SEPTIN4: variants seen among roughly 807,000 people sequenced by gnomAD.
SEPTIN4 encodes septin-4.
A neutral mutation model predicts 107.1 loss-of-function variants in SEPTIN4; 52 were observed. That is an observed-to-expected ratio of 0.49 (90% CI 0.39 to 0.61). SEPTIN4 has a LOEUF of 0.61. Among genes scored for constraint, SEPTIN4 ranks in the 20% least tolerant of loss-of-function variants. The pLI is 0.00. For synonymous variants in SEPTIN4, 417 were observed against 467.0 expected, an observed-to-expected ratio of 0.89 and a Z score of 1.38; for missense variants, 1,048 against 1,243.5, an observed-to-expected ratio of 0.84 and a Z score of 2.36.
Position 58,520,322 on chromosome 17 carries a change from G to T in SEPTIN4, c.*104C>A, listed in dbSNP as rs535334207. 5 of 1,022,060 alleles carry T rather than the reference G, an allele frequency of 4.9e-6. No homozygotes were observed. The highest frequency in any genetic ancestry group is 3.2e-5 in the African/African-American group (2 of 62,528). 63.3% of individuals were successfully genotyped at this position (1,022,060 alleles called of 1,614,324 possible). A position where few individuals can be genotyped will look rare whatever the true frequency, so the allele number is the denominator to read the frequency against. ...TGGGCAGTCAGCAGGGATGTAAGGC[G>T]AAGTGGCAGTAGCTGAAGGGGCCTG... On this transcript the variant is annotated 3_prime_UTR_variant, in exon 14 of 14. Coordinates refer to ENST00000672673, the MANE Select transcript of SEPTIN4 (RefSeq NM_001368771.2).
chr17:58,526,460 G>T, intron 4 of SEPTIN4, 147 bp from the exon 5 acceptor site: 2 of 1,389,076 alleles, frequency 1.4e-6, no homozygotes, highest in Non-Finnish European at 1.9e-6. Flanking sequence ...GAGGCCACCA[G>T]CTGGGCCTCC....
At chr17:58,522,159 C>G in intron 7 of SEPTIN4, 58 bp from the exon 8 acceptor site, 1 of 1,605,596 alleles carries the variant, frequency 6.2e-7, no homozygotes, top group South Asian at 1.1e-5. Flanking sequence ...CTAGTGAGCT[C>G]TGGGACTACA....
At chr17:58,522,243 A>G (rs2042350601) in intron 7 of SEPTIN4, 142 bp from the exon 8 acceptor site, 5 of 1,125,318 alleles carry the variant, frequency 4.4e-6, no homozygotes, top group Admixed American at 2.4e-5. Context: ...AAATCTTTAG[A>G]GAAATTCCTG....
chr17:58,539,563 G>A (rs548996816), intron 3 of SEPTIN4, among the ~76,000 whole-genome samples: 2 of 152,252 alleles, frequency 1.3e-5, no homozygotes, highest in South Asian at 2.1e-4. Flanking sequence ...TTTGACATTT[G>A]AGCACAAACT....
chr17:58,535,053 G>A (rs1425475590), intron 3 of SEPTIN4, among the ~76,000 whole-genome samples: 3 of 152,212 alleles, frequency 2.0e-5, no homozygotes, highest in Admixed American at 6.5e-5. Context: ...AGTCACTGAC[G>A]ATACAGTCAG....
intron 3 of SEPTIN4, chr17:58,529,008 C>G: frequency 7.2e-7 from 1 of 1,381,708 alleles, no homozygotes; most frequent in East Asian, 2.3e-5. Flanking sequence ...CATCCCCACT[C>G]CCAGCTCTGC....
rs1021684772 is a variant in SEPTIN4 at position 58,524,881 on chromosome 17, A to G, written c.2216+197T>C. 15 of 662,028 alleles carry G rather than the reference A, an allele frequency of 2.3e-5. No homozygotes were observed. In the Admixed American group the frequency reaches 2.8e-4, roughly 12 times the overall value. 41.0% of individuals were successfully genotyped at this position (662,028 alleles called of 1,614,324 possible). ...ATCATAGGGCAGAATTGGAAGGAAC[A>G]TTAAAAATCATCTATTCCAATCCTT... On this transcript the variant is annotated intron_variant, in intron 7 of 13. Transcript: ENST00000672673.
intron 3 of SEPTIN4, chr17:58,532,013 C>A: frequency 1.8e-6 from 2 of 1,136,098 alleles, no homozygotes; most frequent in South Asian, 8.6e-5. Flanking sequence ...CCCGAGCGAC[C>A]CGCGGCGGAG....
intron 7 of SEPTIN4, chr17:58,524,815 G>A (rs765574053): frequency 1.5e-5 from 5 of 337,878 alleles, no homozygotes; most frequent in Middle Eastern, 9.3e-4. Flanking sequence ...TGATACTTCC[G>A]CCTCAGCCTC....
rs776786457 is a variant in SEPTIN4, at chr17:58,521,809, C to T, written c.2396G>A (p.Arg799Gln). Residue 799 changes from arginine (R) to glutamine (Q), a missense_variant, in exon 9 of 14, where the codon CGG becomes CAG. Arg to Gln is a conservative substitution (Grantham distance 43). This residue lies in a region of SEPTIN4 where 261 missense variants were observed against 371.7 expected (regional missense o/e 0.70). Coordinates refer to ENST00000672673, the MANE Select transcript of SEPTIN4 (RefSeq NM_001368771.2). The surrounding 1 kb of genome is among the most constrained non-coding windows in gnomAD (Gnocchi z 6.4). Reference protein sequence around the residue: ...DVEFMKALHQRVNIVPILAKA... With the variant: ...DVEFMKALHQQVNIVPILAKA... ...AGCCAGGATAGGCACGATGTTGACC[C>T]GCTGATGCAGGGCCTTCATGAATTC... is the stretch of plus-strand genomic sequence containing the variant. 9.9e-6 allele frequency: 16 copies of T among 1,614,066 alleles called. 1 individual carries two copies. The Admixed American group carries it at 1.3e-4, about 13-fold the overall frequency.
In SEPTIN4 at chr17:58,520,272, T is replaced by C; in HGVS notation, c.*154A>G. ...ACACCAGAAGCCACCTACAGATTTA[T>C]TAAACTTTATTTCCTCTGAGTCTCT... On this transcript the variant is annotated 3_prime_UTR_variant, in exon 14 of 14. Coordinates refer to ENST00000672673, the MANE Select transcript of SEPTIN4 (RefSeq NM_001368771.2). 3.0e-6 allele frequency: 2 copies of C among 659,908 alleles called. No individual in the cohort carries two copies. The highest frequency in any genetic ancestry group is 1.9e-5 in the South Asian group (1 of 51,482). 40.9% of individuals were successfully genotyped at this position (659,908 alleles called of 1,614,324 possible).
Position 58,543,485 on chromosome 17 carries a change from T to C in SEPTIN4, c.702A>G (p.Ala234=). 6.2e-7 allele frequency: 1 copy of C among 1,614,238 alleles called. No homozygotes were observed. Among genetic ancestry groups the C allele is most frequent in the South Asian group, 1.1e-5 (1 of 91,086 alleles). The change falls in exon 1 of 14, where the codon GCA becomes GCG. Residue 234 remains alanine (A), a synonymous_variant. Coordinates refer to ENST00000672673, the MANE Select transcript of SEPTIN4 (RefSeq NM_001368771.2). ...LLEHGSSCVS[A]DYQTAQRRVP... is the part of the protein sequence containing the mutation. ...CCCTTCTCTGGGCTGTCTGATAGTC[T>C]GCAGAGACACAGCTGCTTCCGTGCT...
chr17:58,540,113 A>G (rs138127503), intron 3 of SEPTIN4, among the ~76,000 whole-genome samples: 1 of 152,352 alleles, frequency 6.6e-6, no homozygotes, highest in Non-Finnish European at 1.5e-5. Context: ...CTTATCAAAC[A>G]TGGGCCAAGA....
At chr17:58,531,774 A>T in intron 3 of SEPTIN4, 1 of 425,750 alleles carries the variant, frequency 2.3e-6, no homozygotes, top group Non-Finnish European at 3.3e-6. Flanking sequence ...AGAGGGAAAA[A>T]CTTGGGAGCA....
intron 7 of SEPTIN4, chr17:58,524,718 C>T (rs929080832): frequency 5.0e-6 from 1 of 198,920 alleles, no homozygotes; most frequent in African/African-American, 2.4e-5. Flanking sequence ...AGGCCTATGC[C>T]ACCATGCCCA....
chr17:58,523,299 C>T (rs12449365), intron 7 of SEPTIN4, among the ~76,000 whole-genome samples: 1 of 149,350 alleles, frequency 6.7e-6, no homozygotes, highest in South Asian at 2.1e-4. Flanking sequence ...AACCTGAGCC[C>T]GGGGAGCCCC....
rs773123208 is a variant in SEPTIN4 at position 58,521,532 on chromosome 17, A to G, written c.2571+13T>C. On this transcript the variant is annotated intron_variant, in intron 10 of 13. Coordinates refer to ENST00000672673, the MANE Select transcript of SEPTIN4 (RefSeq NM_001368771.2). The surrounding 1 kb of genome is among the most constrained non-coding windows in gnomAD (Gnocchi z 6.4). ...AAATAAGATAGGAATGGGATGCCCT[A>G]GAGTGGCCCCACCTTTAGGGCTTGG... 1 of 1,613,198 alleles carries G rather than the reference A, an allele frequency of 6.2e-7. No homozygotes were observed.
chr17:58,522,218 C>T (rs936815719), intron 7 of SEPTIN4, 117 bp from the exon 8 acceptor site: 1 of 1,345,194 alleles, frequency 7.4e-7, no homozygotes, highest in East Asian at 2.3e-5. Context: ...CTGTTATTCC[C>T]TGGCTTGCTT....
chr17:58,524,978 T>C (rs1030955809), intron 7 of SEPTIN4, 100 bp downstream of exon 7: 5 of 1,522,310 alleles, frequency 3.3e-6, no homozygotes, highest in African/African-American at 2.7e-5. Context: ...CATAGACCGC[T>C]TCCTCCTGAT....
Sources: gnomAD v4.1 joint callset for allele counts (sites outside exome capture counted in the v4.1 genomes callset) on GRCh38, gnomAD v4.1.1 for gene constraint, gnomAD v4.1.1 regional missense constraint, Gnocchi (gnomAD v3.1) non-coding constraint, MANE v1.5 for transcripts, NCBI Gene and HGNC (gene_info 2026-07-23, HGNC 2026-07-21) for gene names.